Variants in ADAMTS20 observed in about 807,000 individuals in gnomAD.
ADAMTS20 encodes the protein A disintegrin and metalloproteinase with thrombospondin motifs 20.
ADAMTS20 carries 225 observed loss-of-function variants against 260.1 expected under a neutral mutation model. The observed-to-expected ratio is 0.87, with a 90% CI of 0.78 to 0.97. The LOEUF is 0.97. Among genes scored for constraint, ADAMTS20 ranks in the 50% least tolerant of loss-of-function variants. The probability of loss-of-function intolerance (pLI) is 0.00; values close to 1 mark genes in which losing one functional copy is unlikely to be tolerated. For missense variants in ADAMTS20, 2,400 were observed against 2,337.7 expected (o/e 1.03, Z -0.55); for synonymous variants, 802 against 769.5 (o/e 1.04, Z -0.70).
chr12:43,447,293 C>G lies in ADAMTS20; in HGVS notation c.2080-581G>C, dbSNP rs115441751. ...GCAGCAAATCAAAAAGCTTATCCAC[C>G]GCAATCAAGTAGACTTCATCCCCGG... On this transcript the variant is annotated intron_variant, in intron 14 of 38. Coordinates refer to ENST00000389420, the MANE Select transcript of ADAMTS20 (RefSeq NM_025003.5). 4.6e-3 allele frequency among the ~76,000 whole-genome samples: 693 copies of G among 152,238 alleles called. 5 individuals carry two copies. The highest frequency in any genetic ancestry group is 0.015 in the African/African-American group (634 of 41,552).
intron 3 of ADAMTS20, among the ~76,000 whole-genome samples, chr12:43,508,118 C>T (rs1278337364): frequency 5.3e-5 from 8 of 151,864 alleles, no homozygotes; most frequent in African/African-American, 1.9e-4. Flanking sequence ...AACAAACTGG[C>T]ACATGTACCC....
intron 35 of ADAMTS20, 115 bp from the exon 36 acceptor site, chr12:43,375,627 A>G: frequency 8.6e-7 from 1 of 1,156,580 alleles, no homozygotes. Context: ...TATAGTGTCA[A>G]CAAGTTAAAC....
At chr12:43,387,878 C>T (rs1159656974) in intron 29 of ADAMTS20, among the ~76,000 whole-genome samples, 2 of 152,130 alleles carry the variant, frequency 1.3e-5, no homozygotes, top group African/African-American at 4.8e-5. Context: ...ATGCCCCTCC[C>T]CCCACCAAGC....
At chr12:43,430,221 T>G in intron 23 of ADAMTS20, 131 bp downstream of exon 23, 11 of 1,047,942 alleles carry the variant, frequency 1.0e-5, no homozygotes, top group Non-Finnish European at 1.4e-5. Flanking sequence ...TTTTTGCCTC[T>G]CTCTCACACA....
chr12:43,514,582 A>G (rs1382299537), intron 3 of ADAMTS20, among the ~76,000 whole-genome samples: 1 of 90,664 alleles, frequency 1.1e-5, no homozygotes, highest in East Asian at 2.0e-4. Flanking sequence ...AAAAAAAAAA[A>G]AAAAAAAAAA....
At chr12:43,513,494 G>C (rs896594469) in intron 3 of ADAMTS20, among the ~76,000 whole-genome samples, 4 of 152,080 alleles carry the variant, frequency 2.6e-5, no homozygotes, top group African/African-American at 7.2e-5. Flanking sequence ...GTCTACACTT[G>C]AAGAGCATTA....
rs182135362 is a variant in ADAMTS20, at chr12:43,507,429, T to C, written c.614-5024A>G. ...CTCATCTAAGAAGAGAAAAGCCTTC[T>C]CCACACTCCTCAAAAGAAAGCATCC... On this transcript the variant is annotated intron_variant, in intron 3 of 38. Coordinates refer to ENST00000389420, the MANE Select transcript of ADAMTS20 (RefSeq NM_025003.5). 2.4e-4 allele frequency among the ~76,000 whole-genome samples: 36 copies of C among 152,304 alleles called. No individual in the cohort carries two copies. The East Asian group carries it at 6.6e-3, about 28-fold the overall frequency.
chr12:43,372,386 T>C (rs1398736282), intron 36 of ADAMTS20, among the ~76,000 whole-genome samples: 1 of 152,166 alleles, frequency 6.6e-6, no homozygotes, highest in Non-Finnish European at 1.5e-5. Context: ...GACTTTATCA[T>C]TGAATTTAAG....
chr12:43,384,007 TTAGC>T (rs1213622258), intron 29 of ADAMTS20, 30 bp from the exon 30 acceptor site: 13 of 1,567,096 alleles, frequency 8.3e-6, no homozygotes, highest in Non-Finnish European at 1.0e-5. Context: ...ATTTGAACAA[TTAGC>T]TAATAAATAC....
At chr12:43,535,483 T>C (rs1565585651) in intron 2 of ADAMTS20, among the ~76,000 whole-genome samples, 1 of 152,154 alleles carries the variant, frequency 6.6e-6, no homozygotes, top group Non-Finnish European at 1.5e-5. Flanking sequence ...AATTAACCTA[T>C]AAACTCCTTC....
intron 11 of ADAMTS20, among the ~76,000 whole-genome samples, chr12:43,460,966 A>T (rs1322573759): frequency 1.8e-5 from 1 of 55,354 alleles, no homozygotes; most frequent in African/African-American, 7.2e-5. Flanking sequence ...CAACTAAATT[A>T]TATATATATA....
chr12:43,422,364 A>G (rs977888472), intron 28 of ADAMTS20, among the ~76,000 whole-genome samples: 3 of 152,020 alleles, frequency 2.0e-5, no homozygotes, highest in Admixed American at 2.0e-4. Flanking sequence ...AGTTAAAGTT[A>G]TCCATGAAAG....
intron 19 of ADAMTS20, among the ~76,000 whole-genome samples, chr12:43,433,275 A>T (rs1439232112): frequency 3.3e-5 from 5 of 152,218 alleles, no homozygotes; most frequent in Non-Finnish European, 5.9e-5. Context: ...TCATTCCTGT[A>T]ATCTATATTT....
rs199655072 is a variant in ADAMTS20, at chr12:43,375,787, A to C, written c.5312+270T>G. Reference sequence around the variant, plus strand: ...TTATGAAAATGCACATAGTTCTTAAATTCTTCCCTTCTCTATGTCCGACTT... The same window carrying C: ...TTATGAAAATGCACATAGTTCTTAACTTCTTCCCTTCTCTATGTCCGACTT... On this transcript the variant is annotated intron_variant, in intron 35 of 38. Coordinates refer to ENST00000389420, the MANE Select transcript of ADAMTS20 (RefSeq NM_025003.5). Among the ~76,000 whole-genome samples, 8 of 152,314 alleles carry C rather than the reference A, an allele frequency of 5.3e-5. No individual in the cohort carries two copies. The East Asian group carries it at 9.6e-4, about 18-fold the overall frequency.
chr12:43,538,936 ATTTTTTTATGAACATTCTTTT>A (rs1156364868), intron 2 of ADAMTS20, among the ~76,000 whole-genome samples: 2 of 145,914 alleles, frequency 1.4e-5, no homozygotes, highest in African/African-American at 5.2e-5. Flanking sequence ...TAATTCTTTA[ATTTTTTTATGAACATTCTTTT>A]TTTTTTTTTT....
rs568415764 is a variant in ADAMTS20, at chr12:43,474,034, T to A, written c.1118-5329A>T. ...GAGACACAAAAAACCCTTCAAAAAATCAATGAATCCAGGAAGCTGGTTTTT... is the reference window on the plus strand; with the variant it reads ...GAGACACAAAAAACCCTTCAAAAAAACAATGAATCCAGGAAGCTGGTTTTT... On this transcript the variant is annotated intron_variant, in intron 7 of 38. Coordinates refer to ENST00000389420, the MANE Select transcript of ADAMTS20 (RefSeq NM_025003.5). Among the ~76,000 whole-genome samples the A allele has an allele frequency of 4.6e-5, 7 of 151,372 alleles. No homozygotes were observed. In the East Asian group the frequency reaches 1.4e-3, roughly 30 times the overall value.
chr12:43,487,511 C>CT (rs1189356376), intron 7 of ADAMTS20, among the ~76,000 whole-genome samples: 1 of 152,026 alleles, frequency 6.6e-6, no homozygotes, highest in Non-Finnish European at 1.5e-5. Flanking sequence ...GCACGAAAAT[C>CT]TTAAGACTTC....
chr12:43,454,310 G>A (rs916663587), intron 11 of ADAMTS20, among the ~76,000 whole-genome samples: 1 of 152,148 alleles, frequency 6.6e-6, no homozygotes, highest in Non-Finnish European at 1.5e-5. Context: ...AAATTAAATA[G>A]TAAAATGGAA....
intron 4 of ADAMTS20, among the ~76,000 whole-genome samples, chr12:43,495,942 T>C (rs187328254): frequency 1.3e-5 from 2 of 152,290 alleles, no homozygotes; most frequent in East Asian, 3.9e-4. Context: ...TTTAACTATA[T>C]TTAGATGTTT....
Sources: gnomAD v4.1 joint callset for allele counts (sites outside exome capture counted in the v4.1 genomes callset) on GRCh38, gnomAD v4.1.1 for gene constraint, MANE v1.5 for transcripts, NCBI Gene and HGNC (gene_info 2026-07-23, HGNC 2026-07-21) for gene names.